The following LDB2 variants were observed in gnomAD, a reference collection of about 807,000 sequenced individuals.
The protein encoded by LDB2 is LIM domain binding 2, also known as LIM domain-binding protein 2.
Under a neutral mutation model 44.3 loss-of-function variants are expected in LDB2, and 12 were observed. The observed-to-expected ratio is 0.27, with a 90% CI of 0.17 to 0.44. LDB2 has a LOEUF of 0.44. LDB2 is among the 20% of genes least tolerant of loss of function. LDB2 has a pLI of 1.00. For missense variants in LDB2, 344 were observed against 473.5 expected, an observed-to-expected ratio of 0.73 and a Z score of 2.54; for synonymous variants, 164 against 174.8, an observed-to-expected ratio of 0.94 and a Z score of 0.49.
chr4:16,551,006 C>A (rs778244805), intron 5 of LDB2, among the ~76,000 whole-genome samples: 1 of 152,116 alleles, frequency 6.6e-6, no homozygotes, highest in African/African-American at 2.4e-5. Flanking sequence ...TTGGAAAAGA[C>A]TTGAACTTTT....
In LDB2 at chr4:16,541,160, A is replaced by G. The variant is rs577963331; in HGVS notation, c.616-29056T>C. Among the ~76,000 whole-genome samples the G allele has an allele frequency of 2.0e-5, 3 of 152,136 alleles. No individual in the cohort carries two copies. In the South Asian group the frequency reaches 6.2e-4, roughly 32 times the overall value. On this transcript the variant is annotated intron_variant, in intron 5 of 7. Coordinates refer to ENST00000304523, the MANE Select transcript of LDB2 (RefSeq NM_001290.5). ...ATGTCCCCACCAAATCTCATGTTTA[A>G]TTATAATCCCCAGTACTGGAGGTGG...
At chr4:16,615,572 A>G (rs1309639205) in intron 2 of LDB2, among the ~76,000 whole-genome samples, 1 of 152,106 alleles carries the variant, frequency 6.6e-6, no homozygotes, top group African/African-American at 2.4e-5. Context: ...ACATGGACAC[A>G]GAGAAGGGAA....
chr4:16,795,215 G>A (rs1367036909), intron 1 of LDB2, among the ~76,000 whole-genome samples: 1 of 152,194 alleles, frequency 6.6e-6, no homozygotes, highest in Non-Finnish European at 1.5e-5. Context: ...ACCTTGCTGT[G>A]AAGAGAGAGC....
chr4:16,827,726 A>G (rs1783316893), intron 1 of LDB2, among the ~76,000 whole-genome samples: 1 of 152,150 alleles, frequency 6.6e-6, no homozygotes, highest in Non-Finnish European at 1.5e-5. Flanking sequence ...TGCTTTTCTT[A>G]TTTCAAAATT....
chr4:16,616,318 C>A (rs1173872726), intron 2 of LDB2, among the ~76,000 whole-genome samples: 1 of 152,006 alleles, frequency 6.6e-6, no homozygotes. Context: ...TTATTATTAA[C>A]TTGCCATAAA....
chr4:16,880,276 A>C (rs1304299099), intron 1 of LDB2, among the ~76,000 whole-genome samples: 1 of 152,164 alleles, frequency 6.6e-6, no homozygotes, highest in African/African-American at 2.4e-5. Flanking sequence ...TTAAATCAAA[A>C]CAGGCCTCCA....
chr4:16,739,273 AAGTC>A (rs1762470915), intron 2 of LDB2, among the ~76,000 whole-genome samples: 1 of 151,938 alleles, frequency 6.6e-6, no homozygotes, highest in Admixed American at 6.6e-5. Context: ...AAAGAAGGTT[AAGTC>A]ATTACGATTT....
chr4:16,561,305 A>T (rs1428118077), intron 5 of LDB2, among the ~76,000 whole-genome samples: 1 of 152,342 alleles, frequency 6.6e-6, no homozygotes, highest in Middle Eastern at 3.4e-3. Flanking sequence ...ACGTGATTGT[A>T]TATCTAGAAA....
intron 5 of LDB2, among the ~76,000 whole-genome samples, chr4:16,565,136 C>T (rs1744034849): frequency 6.6e-6 from 1 of 152,086 alleles, no homozygotes; most frequent in Non-Finnish European, 1.5e-5. Flanking sequence ...ACAGGAAAAT[C>T]AGCATGAAGT....
intron 5 of LDB2, among the ~76,000 whole-genome samples, chr4:16,546,304 A>G (rs1311515261): frequency 6.6e-6 from 1 of 152,240 alleles, no homozygotes; most frequent in Non-Finnish European, 1.5e-5. Flanking sequence ...GGCGCAATTA[A>G]AACAACTTCT....
intron 2 of LDB2, among the ~76,000 whole-genome samples, chr4:16,643,154 C>G (rs1425417678): frequency 2.4e-5 from 3 of 127,064 alleles, no homozygotes; most frequent in East Asian, 2.3e-4. Context: ...AATTCTCTAA[C>G]AGATAGGGAT....
chr4:16,764,372 A>G (rs1768702458), intron 1 of LDB2, among the ~76,000 whole-genome samples: 1 of 152,146 alleles, frequency 6.6e-6, no homozygotes, highest in African/African-American at 2.4e-5. Flanking sequence ...TAATGTGGAT[A>G]ATAAAGAGAT....
chr4:16,895,693 A>G (rs977328134), intron 1 of LDB2, among the ~76,000 whole-genome samples: 1 of 152,158 alleles, frequency 6.6e-6, no homozygotes. Context: ...TGCTTTGGCT[A>G]AATTCTCAAA....
At chr4:16,538,481 A>T (rs1732627448) in intron 5 of LDB2, among the ~76,000 whole-genome samples, 2 of 136,314 alleles carry the variant, frequency 1.5e-5, no homozygotes, top group Admixed American at 1.4e-4. Flanking sequence ...GAAGCTAGGA[A>T]GTGTTCTTAA....
chr4:16,652,460 C>T (rs1256463596), intron 2 of LDB2, among the ~76,000 whole-genome samples: 1 of 151,958 alleles, frequency 6.6e-6, no homozygotes, highest in Admixed American at 6.6e-5. Flanking sequence ...AGTGAGAAGC[C>T]CTGGACAATT....
At chr4:16,679,234 T>C (rs112876510) in intron 2 of LDB2, among the ~76,000 whole-genome samples, 1 of 152,126 alleles carries the variant, frequency 6.6e-6, no homozygotes, top group Non-Finnish European at 1.5e-5. Context: ...GAATGATTCT[T>C]TTAATTTTTG....
rs1271748572 is a variant in LDB2, at chr4:16,755,523, G to A, written c.235+3635C>T. 1.1e-4 allele frequency among the ~76,000 whole-genome samples: 5 copies of A among 46,204 alleles called. No individual in the cohort carries two copies. In the South Asian group the frequency reaches 3.7e-3, roughly 34 times the overall value. 30.3% of individuals were successfully genotyped at this position (46,204 alleles called of 152,430 possible). On this transcript the variant is annotated intron_variant, in intron 2 of 7. Coordinates refer to ENST00000304523, the MANE Select transcript of LDB2 (RefSeq NM_001290.5). ...TGTGTGTGTGTGTGTGTGTGTGTGTGTATGTGAGAGAGAGAGAGACAGACA... is the reference window on the plus strand; with the variant it reads ...TGTGTGTGTGTGTGTGTGTGTGTGTATATGTGAGAGAGAGAGAGACAGACA...
At chr4:16,505,869 C>T in intron 7 of LDB2, 2 of 1,550,910 alleles carry the variant, frequency 1.3e-6, no homozygotes, top group Non-Finnish European at 1.7e-6. Context: ...TGACTCCTTT[C>T]AGGGCCCCTC....
At chr4:16,616,593 T>C (rs1727395265) in intron 2 of LDB2, among the ~76,000 whole-genome samples, 2 of 152,022 alleles carry the variant, frequency 1.3e-5, no homozygotes, top group South Asian at 4.2e-4. Context: ...GAGTGAATTG[T>C]AGGTTGGGGA....
Sources: allele counts gnomAD v4.1 joint callset (sites outside exome capture counted in the v4.1 genomes callset), GRCh38; gene constraint gnomAD v4.1.1; transcripts MANE v1.5; gene names NCBI Gene and HGNC (gene_info 2026-07-23, HGNC 2026-07-21).